Variants in FOXI2 observed in about 807,000 individuals in gnomAD.
FOXI2 encodes forkhead box I2, also known as forkhead box protein I2.
Under a neutral mutation model 14.3 loss-of-function variants are expected in FOXI2, and 17 were observed. The observed-to-expected ratio is 1.19, with a 90% CI of 0.81 to 1.78. The LOEUF (loss-of-function observed/expected upper bound fraction) is 1.78, where lower values mean the gene tolerates loss of function less well. Among genes scored for constraint, FOXI2 ranks in the 40% most tolerant of loss-of-function variants. The pLI is 0.00. For synonymous variants in FOXI2, 240 were observed against 218.8 expected (o/e 1.10, Z -0.85); for missense variants, 541 against 460.0 (o/e 1.18, Z -1.61).
In FOXI2 at chr10:127,738,559, A is replaced by G. The variant is rs368459088; in HGVS notation, c.551A>G (p.Lys184Arg). 8.1e-6 allele frequency: 13 copies of G among 1,613,212 alleles called. No individual in the cohort carries two copies. The African/African-American group carries it at 1.3e-4, about 17-fold the overall frequency. Residue 184 changes from lysine (K) to arginine (R), a missense_variant, in exon 2 of 2, where the codon AAG becomes AGG. Coordinates refer to ENST00000388920, the MANE Select transcript of FOXI2 (RefSeq NM_207426.3). ...TGGACCCTGGACCCCAACTGCGAGA[A>G]GATGTTTGACAACGGGAACTTCCGA... Reference protein sequence around the residue: ...NYWTLDPNCEKMFDNGNFRRK... With the variant: ...NYWTLDPNCERMFDNGNFRRK...
At position 127,738,578 on chromosome 10, in the gene FOXI2, C is replaced by T; in HGVS notation, c.570C>T (p.Asn190=). Residue 190 remains asparagine (N), a synonymous_variant, in exon 2 of 2, where the codon AAC becomes AAT. Coordinates refer to ENST00000388920, the MANE Select transcript of FOXI2 (RefSeq NM_207426.3). ...GCGAGAAGATGTTTGACAACGGGAA[C>T]TTCCGAAGGAAGAGGAAGAGGAGAG... ...PNCEKMFDNG[N]FRRKRKRRAE... 1 of 1,612,932 alleles carries T rather than the reference C, an allele frequency of 6.2e-7. No individual in the cohort carries two copies. Among genetic ancestry groups the T allele is most frequent in the Non-Finnish European group, 8.5e-7 (1 of 1,179,414 alleles).
rs923614000 is a variant in FOXI2 at position 127,740,323 on chromosome 10, G to A, written c.*1358G>A. The A allele has an allele frequency of 6.6e-6, 1 of 152,212 alleles. No individual in the cohort carries two copies. Among genetic ancestry groups the A allele is most frequent in the African/African-American group, 2.4e-5 (1 of 41,442 alleles). 9.4% of individuals were successfully genotyped at this position (152,212 alleles called of 1,614,324 possible). ...GTGTGTTCAGAGCTCCTGAACAGCA[G>A]CCTCCTGTGTAAATTGAACCCTGCC... is the stretch of plus-strand genomic sequence containing the variant. On this transcript the variant is annotated 3_prime_UTR_variant, in exon 2 of 2. Coordinates refer to ENST00000388920, the MANE Select transcript of FOXI2 (RefSeq NM_207426.3).
In FOXI2 at chr10:127,737,702, G is replaced by C; in HGVS notation, c.429G>C (p.Lys143Asn). The change falls in exon 1 of 2, where the codon AAG becomes AAC. Residue 143 changes from lysine (K) to asparagine (N), a missense_variant. Transcript: ENST00000388920. ...AGNFPFYKRS[K>N]AGWQNSIRHN... ...ACTTCCCTTTCTACAAGCGCAGCAA[G>C]GCGGGCTGGCAGAACTCCATCCGCC... is the stretch of plus-strand genomic sequence containing the variant. 1 of 1,607,468 alleles carries C rather than the reference G, an allele frequency of 6.2e-7. No homozygotes were observed. Among genetic ancestry groups the C allele is most frequent in the Non-Finnish European group, 8.5e-7 (1 of 1,176,902 alleles).
At position 127,737,473 on chromosome 10, in the gene FOXI2, G is replaced by A. The variant is rs1308386397; in HGVS notation, c.200G>A (p.Ser67Asn). The change falls in exon 1 of 2, where the codon AGC becomes AAC. Residue 67 changes from serine (S) to asparagine (N), a missense_variant. Coordinates refer to ENST00000388920, the MANE Select transcript of FOXI2 (RefSeq NM_207426.3). The part of the protein sequence containing the change: ...PGPAPPYAAP[S>N]YGAPGPLLGA... The stretch of plus-strand genomic sequence containing the variant: ...CCTGCGCCGCCCTACGCGGCCCCGA[G>A]CTACGGGGCTCCCGGCCCGCTCCTC... 13 of 1,384,454 alleles carry A rather than the reference G, an allele frequency of 9.4e-6. No individual in the cohort carries two copies. The highest frequency in any genetic ancestry group is 2.6e-4 in the Middle Eastern group (1 of 3,810). The allele number at this position is 1,384,454 out of a possible 1,614,324, so 85.8% of individuals were successfully genotyped here.
Position 127,738,685 on chromosome 10 carries a change from C to T in FOXI2, c.677C>T (p.Ala226Val), listed in dbSNP as rs779420160. 20 of 1,595,672 alleles carry T rather than the reference C, an allele frequency of 1.3e-5. No individual in the cohort carries two copies. The East Asian group carries it at 4.3e-4, about 35-fold the overall frequency. The change falls in exon 2 of 2, where the codon GCT becomes GTT. Residue 226 changes from alanine (A) to valine (V), a missense_variant. Ala to Val is a moderately conservative substitution (Grantham distance 64). Coordinates refer to ENST00000388920, the MANE Select transcript of FOXI2 (RefSeq NM_207426.3). ...CCAGCGCTGGAGCCCCCGAGCGCGG[C>T]TTGCCTGGACCTGCAGGCCTCGCCC... ...EAPALEPPSAACLDLQASPSP... is the reference protein window; with the variant it reads ...EAPALEPPSAVCLDLQASPSP...
intron 1 of FOXI2, among the ~76,000 whole-genome samples, chr10:127,738,168 G>A (rs573891131): frequency 6.6e-6 from 1 of 152,194 alleles, no homozygotes; most frequent in African/African-American, 2.4e-5. Context: ...TAGGATGCCC[G>A]TTTGGAAAGC....
At chr10:127,737,910 G>T in intron 1 of FOXI2, 126 bp downstream of exon 1, 1 of 1,419,096 alleles carries the variant, frequency 7.0e-7, no homozygotes. Flanking sequence ...GATACCCGGG[G>T]AGGAGGGAGA....
Position 127,740,165 on chromosome 10 carries a change from T to C in FOXI2, c.*1200T>C, listed in dbSNP as rs1302938895. 2.5e-5 allele frequency: 2 copies of C among 80,210 alleles called. No homozygotes were observed. The highest frequency in any genetic ancestry group is 4.9e-5 in the African/African-American group (1 of 20,260). The allele number at this position is 80,210 out of a possible 1,614,324, so 5.0% of individuals were successfully genotyped here. On this transcript the variant is annotated 3_prime_UTR_variant, in exon 2 of 2. Coordinates refer to ENST00000388920, the MANE Select transcript of FOXI2 (RefSeq NM_207426.3). The stretch of plus-strand genomic sequence containing the variant: ...CTCATACTCACACCCACACCCACAC[T>C]CATACTCACACACCCACACCCACAC...
Position 127,740,973 on chromosome 10 carries a change from G to C in FOXI2, c.*2008G>C, listed in dbSNP as rs140605628. On this transcript the variant is annotated 3_prime_UTR_variant, in exon 2 of 2. Transcript: ENST00000388920. Reference sequence around the variant, plus strand: ...GCTGCTGCCCTCCACAAGCAGGTGAGCAGAGTGCCAGTTGTGTTGAAGGTG... The same window carrying C: ...GCTGCTGCCCTCCACAAGCAGGTGACCAGAGTGCCAGTTGTGTTGAAGGTG... 914 of 152,254 alleles carry C rather than the reference G, an allele frequency of 6.0e-3. 7 individuals are homozygous for C. Among genetic ancestry groups the C allele is most frequent in the Middle Eastern group, 0.017 (5 of 292 alleles). The allele number at this position is 152,254 out of a possible 1,614,324, so 9.4% of individuals were successfully genotyped here.
chr10:127,737,463 G>GCGGCCCCGAGCTACGGGGCTCC lies in FOXI2; in HGVS notation c.197_218dup (p.Leu74GlufsTer69). ...GGGTCCCGGGCCTGCGCCGCCCTACGCGGCCCCGAGCTACGGGGCTCCCGG... is the reference window on the plus strand; with the variant it reads ...GGGTCCCGGGCCTGCGCCGCCCTACGCGGCCCCGAGCTACGGGGCTCCCGGCCCCGAGCTACGGGGCTCCCGG... On this transcript the variant is annotated frameshift_variant, in exon 1 of 2. Coordinates refer to ENST00000388920, the MANE Select transcript of FOXI2 (RefSeq NM_207426.3). LOFTEE classifies it high-confidence loss of function. 1 of 1,370,882 alleles carries GCGGCCCCGAGCTACGGGGCTCC rather than the reference G, an allele frequency of 7.3e-7. No individual in the cohort carries two copies. The highest frequency in any genetic ancestry group is 9.3e-7 in the Non-Finnish European group (1 of 1,072,906). 84.9% of individuals were successfully genotyped at this position (1,370,882 alleles called of 1,614,324 possible). A position where few individuals can be genotyped will look rare whatever the true frequency, so the allele number is the denominator to read the frequency against.
In FOXI2 at chr10:127,737,756, G is replaced by C; in HGVS notation, c.483G>C (p.Lys161Asn). The C allele has an allele frequency of 6.2e-7, 1 of 1,612,558 alleles. No homozygotes were observed. The highest frequency in any genetic ancestry group is 8.5e-7 in the Non-Finnish European group (1 of 1,179,318). ...ACCTGTCGCTCAACGACTGCTTCAA[G>C]AAGGTGCCCCGCGACGAGGACGACC... ...RHNLSLNDCF[K>N]KVPRDEDDPG... is the part of the protein sequence containing the mutation. The change falls in exon 1 of 2, where the codon AAG becomes AAC. Residue 161 changes from lysine (K) to asparagine (N), a missense_variant. Lys to Asn is a moderately conservative substitution (Grantham distance 94). Transcript: ENST00000388920.
rs1846437812 is a variant in FOXI2, at chr10:127,737,772, G to A, written c.499G>A (p.Glu167Lys). The part of the protein sequence containing the change: ...NDCFKKVPRD[E>K]DDPGKGNYWT... ...CTGCTTCAAGAAGGTGCCCCGCGAC[G>A]AGGACGACCCAGGTAACAGCGGCGC... Residue 167 changes from glutamate (E) to lysine (K), a missense_variant, in exon 1 of 2, where the codon GAG (glutamate) becomes AAG (lysine). Coordinates refer to ENST00000388920, the MANE Select transcript of FOXI2 (RefSeq NM_207426.3). 6.2e-7 allele frequency: 1 copy of A among 1,611,122 alleles called. No homozygotes were observed. The highest frequency in any genetic ancestry group is 8.5e-7 in the Non-Finnish European group (1 of 1,178,698).
rs1846461526 is a variant in FOXI2, at chr10:127,739,218, C to G, written c.*253C>G. ...TCCCTGCTCTGCCTCTAAGTCCAGC[C>G]GCCCTGGGCGTCTAGAACCTGTGCT... On this transcript the variant is annotated 3_prime_UTR_variant, in exon 2 of 2. Transcript: ENST00000388920. 4.2e-6 allele frequency: 2 copies of G among 480,772 alleles called. No individual in the cohort carries two copies. Among genetic ancestry groups the G allele is most frequent in the African/African-American group, 4.1e-5 (2 of 48,824 alleles). The allele number at this position is 480,772 out of a possible 1,614,324, so 29.8% of individuals were successfully genotyped here.
Position 127,738,797 on chromosome 10 carries a change from CG to C in FOXI2, c.794del (p.Gly265AlafsTer69). 1.9e-6 allele frequency: 3 copies of C among 1,605,798 alleles called. No homozygotes were observed. The highest frequency in any genetic ancestry group is 1.7e-6 in the Non-Finnish European group (2 of 1,176,934). On this transcript the variant is annotated frameshift_variant, in exon 2 of 2. Transcript: ENST00000388920. LOFTEE classifies it low-confidence loss of function (END_TRUNC). ...ALAGGLGTFPGGLAGDFSFGR... is the reference protein window; with the variant it reads ...ALAGGLGTFPXGLAGDFSFGR... ...TGGCTGGCGGCCTTGGCACCTTCCC[CG>C]GGGGCCTGGCGGGCGACTTTTCTTT...
rs1846486208 is a variant in FOXI2, at chr10:127,739,927, TCACACC to T, written c.*968_*973del. On this transcript the variant is annotated 3_prime_UTR_variant, in exon 2 of 2. Transcript: ENST00000388920. Reference sequence around the variant, plus strand: ...CACACACTCACACCCACACCCACACTCACACCCACACACACTCACACCCACACACAC... The same window carrying T: ...CACACACTCACACCCACACCCACACTCACACACACTCACACCCACACACAC... 6.0e-4 allele frequency: 25 copies of T among 42,010 alleles called. No homozygotes were observed. The highest frequency in any genetic ancestry group is 2.0e-3 in the African/African-American group (20 of 10,008). The allele number at this position is 42,010 out of a possible 1,614,324, so 2.6% of individuals were successfully genotyped here. A position where few individuals can be genotyped will look rare whatever the true frequency, so the allele number is the denominator to read the frequency against.
In FOXI2 at chr10:127,737,446, GGCCTGCGCCGCCCTACGCGGCCCCGA is replaced by G; in HGVS notation, c.176_201del (p.Pro59LeufsTer68). 1 of 1,363,704 alleles carries G rather than the reference GGCCTGCGCCGCCCTACGCGGCCCCGA, an allele frequency of 7.3e-7. No homozygotes were observed. Among genetic ancestry groups the G allele is most frequent in the Non-Finnish European group, 9.4e-7 (1 of 1,069,172 alleles). The allele number at this position is 1,363,704 out of a possible 1,614,324, so 84.5% of individuals were successfully genotyped here. A position where few individuals can be genotyped will look rare whatever the true frequency, so the allele number is the denominator to read the frequency against. On this transcript the variant is annotated frameshift_variant, in exon 1 of 2. Transcript: ENST00000388920. LOFTEE classifies it high-confidence loss of function. ...CCCAAGTCCTACGCTTCGGGTCCCG[GGCCTGCGCCGCCCTACGCGGCCCCGA>G]GCTACGGGGCTCCCGGCCCGCTCCT... is the stretch of plus-strand genomic sequence containing the variant.
Position 127,740,121 on chromosome 10 carries a change from A to ACACCACCCCCC in FOXI2, c.*1160_*1161insACCCCCCCACC, listed in dbSNP as rs1846503319. 2.2e-5 allele frequency: 1 copy of ACACCACCCCCC among 45,968 alleles called. No homozygotes were observed. Among genetic ancestry groups the ACACCACCCCCC allele is most frequent in the Non-Finnish European group, 5.0e-5 (1 of 19,824 alleles). The allele number at this position is 45,968 out of a possible 1,614,324, so 2.8% of individuals were successfully genotyped here. A position where few individuals can be genotyped will look rare whatever the true frequency, so the allele number is the denominator to read the frequency against. On this transcript the variant is annotated 3_prime_UTR_variant, in exon 2 of 2. Transcript: ENST00000388920. ...TCACACCCACACTCACACCACACTC[A>ACACCACCCCCC]CACCCACACACACCCACACTCATAC...
Position 127,737,440 on chromosome 10 carries a change from G to A in FOXI2, c.167G>A (p.Gly56Asp). Residue 56 changes from glycine (G) to aspartate (D), a missense_variant, in exon 1 of 2, where the codon GGT becomes GAT. By Grantham distance (94) the Gly-to-Asp change is moderately conservative. Coordinates refer to ENST00000388920, the MANE Select transcript of FOXI2 (RefSeq NM_207426.3). ...CTCAGCCCCAAGTCCTACGCTTCGG[G>A]TCCCGGGCCTGCGCCGCCCTACGCG... The part of the protein sequence containing the change: ...PALSPKSYAS[G>D]PGPAPPYAAP... 2 of 1,363,250 alleles carry A rather than the reference G, an allele frequency of 1.5e-6. No homozygotes were observed. Among genetic ancestry groups the A allele is most frequent in the African/African-American group, 1.5e-5 (1 of 64,996 alleles). The allele number at this position is 1,363,250 out of a possible 1,614,324, so 84.4% of individuals were successfully genotyped here.
rs1846432451 is a variant in FOXI2, at chr10:127,737,555, G to A, written c.282G>A (p.Gln94=). The change falls in exon 1 of 2, where the codon CAG becomes CAA. Residue 94 remains glutamine, a synonymous_variant. Coordinates refer to ENST00000388920, the MANE Select transcript of FOXI2 (RefSeq NM_207426.3). ...ADLAWLSLSG[Q]QELLRLVRPP... ...TCGCCTGGCTGAGCCTCTCCGGCCA[G>A]CAGGAGCTGCTGAGGCTGGTGCGGC... 2 of 1,533,432 alleles carry A rather than the reference G, an allele frequency of 1.3e-6. No individual in the cohort carries two copies. The highest frequency in any genetic ancestry group is 1.4e-5 in the African/African-American group (1 of 71,940). 95.0% of individuals were successfully genotyped at this position (1,533,432 alleles called of 1,614,324 possible). A position where few individuals can be genotyped will look rare whatever the true frequency, so the allele number is the denominator to read the frequency against.
Sources: allele counts gnomAD v4.1 joint callset (sites outside exome capture counted in the v4.1 genomes callset), GRCh38; gene constraint gnomAD v4.1.1; transcripts MANE v1.5; gene names NCBI Gene and HGNC (gene_info 2026-07-23, HGNC 2026-07-21).